ACACB: variants seen among roughly 807,000 people sequenced by gnomAD.
ACACB encodes acetyl-CoA carboxylase beta, also known as acetyl-CoA carboxylase 2.
A neutral mutation model predicts 278.8 loss-of-function variants in ACACB; 209 were observed. The observed-to-expected ratio is 0.75, with a 90% confidence interval of 0.67 to 0.84. The LOEUF is 0.84. Among genes scored for constraint, ACACB ranks in the 40% least tolerant of loss-of-function variants. The probability of loss-of-function intolerance (pLI) is 0.00; values close to 1 mark genes in which losing one functional copy is unlikely to be tolerated. For missense variants in ACACB, 2,850 were observed against 3,269.0 expected, an observed-to-expected ratio of 0.87 and a Z score of 3.13; for synonymous variants, 1,174 against 1,285.6, an observed-to-expected ratio of 0.91 and a Z score of 1.86.
rs1225629202 is a variant in ACACB at position 109,168,082 on chromosome 12, G to C, written c.925+48G>C. On this transcript the variant is annotated intron_variant, in intron 4 of 52. Transcript: ENST00000338432. ...CTCCCATCACGCTCCATCCTTGCCT[G>C]CCCTCGCCTCCTTCCCCTGTGCCTA... 1.9e-6 allele frequency: 3 copies of C among 1,562,728 alleles called. No individual in the cohort carries two copies. The South Asian group carries it at 3.7e-5, about 19-fold the overall frequency.
rs1228219666 is a variant in ACACB at position 109,237,280 on chromosome 12, A to G, written c.4562A>G (p.His1521Arg). ...GTGCCCTGTGCCAACCACAAGATGCACCTTTACCTGGGTGCTGCCAAGGTG... is the reference window on the plus strand; with the variant it reads ...GTGCCCTGTGCCAACCACAAGATGCGCCTTTACCTGGGTGCTGCCAAGGTG... ...TAVPCANHKM[H>R]LYLGAAKVKE... is the part of the protein sequence containing the mutation. The change falls in exon 34 of 53, where the codon CAC becomes CGC. Residue 1521 changes from histidine (H) to arginine (R), a missense_variant. By Grantham distance (29) the His-to-Arg change is conservative. Coordinates refer to ENST00000338432, the MANE Select transcript of ACACB (RefSeq NM_001093.4). 9.3e-6 allele frequency: 15 copies of G among 1,614,044 alleles called. No homozygotes were observed. The highest frequency in any genetic ancestry group is 1.2e-5 in the Non-Finnish European group (14 of 1,180,004).
At chr12:109,218,488 T>C (rs1333438424) in intron 24 of ACACB, among the ~76,000 whole-genome samples, 1 of 152,150 alleles carries the variant, frequency 6.6e-6, no homozygotes, top group East Asian at 1.9e-4. Flanking sequence ...CCTCCCAAAG[T>C]GCTGGGATTA....
chr12:109,160,041 G>A (rs2043673126), intron 2 of ACACB, among the ~76,000 whole-genome samples: 1 of 149,852 alleles, frequency 6.7e-6, no homozygotes, highest in African/African-American at 2.5e-5. Flanking sequence ...AGTGAGCCGA[G>A]ATGGTGCCAC....
chr12:109,254,124 C>A, intron 43 of ACACB, 90 bp from the exon 44 acceptor site: 1 of 1,492,618 alleles, frequency 6.7e-7, no homozygotes, highest in South Asian at 1.2e-5. Context: ...CATAACCAGG[C>A]ATAATCATAG....
intron 44 of ACACB, among the ~76,000 whole-genome samples, chr12:109,254,557 A>G (rs778759000): frequency 7.2e-5 from 11 of 152,134 alleles, no homozygotes; most frequent in Non-Finnish European, 1.6e-4. Flanking sequence ...AACAGCCTCC[A>G]GTTTCTGGAG....
At position 109,166,842 on chromosome 12, in the gene ACACB, C is replaced by T; in HGVS notation, c.654-19C>T. ...GCTTCTTCCCTCATGCACGTCTGTC[C>T]CTCATTCTTATTCTGCAGGCCGAGC... is the stretch of plus-strand genomic sequence containing the variant. On this transcript the variant is annotated intron_variant, in intron 2 of 52. Transcript: ENST00000338432. 1 of 1,613,810 alleles carries T rather than the reference C, an allele frequency of 6.2e-7. No homozygotes were observed. The highest frequency in any genetic ancestry group is 8.5e-7 in the Non-Finnish European group (1 of 1,179,960).
intron 1 of ACACB, among the ~76,000 whole-genome samples, chr12:109,133,853 ATATATATATATTTTTTT>A (rs1420860706): frequency 2.1e-5 from 1 of 48,226 alleles, no homozygotes; most frequent in African/African-American, 9.6e-5. Context: ...ATATATATAT[ATATATATATATTTTTTT>A]TTTTTTTTTT....
intron 42 of ACACB, among the ~76,000 whole-genome samples, chr12:109,252,793 A>G (rs1238966656): frequency 6.6e-6 from 1 of 152,208 alleles, no homozygotes; most frequent in African/African-American, 2.4e-5. Flanking sequence ...TGGCCTGCAT[A>G]TTGGAATTAT....
At chr12:109,140,495 A>G (rs1002811620) in intron 2 of ACACB, among the ~76,000 whole-genome samples, 9 of 152,114 alleles carry the variant, frequency 5.9e-5, no homozygotes, top group Non-Finnish European at 8.8e-5. Flanking sequence ...CGTTTCTACT[A>G]AAAATACAAA....
intron 51 of ACACB, 23 bp from the exon 52 acceptor site, chr12:109,265,366 G>A (rs960142684): frequency 1.2e-6 from 2 of 1,612,946 alleles, no homozygotes; most frequent in Non-Finnish European, 1.7e-6. Context: ...CCCTCTCTGA[G>A]GCATCCTCTG....
intron 15 of ACACB, 146 bp downstream of exon 15, chr12:109,192,096 T>G: frequency 2.4e-6 from 2 of 844,530 alleles, no homozygotes; most frequent in Non-Finnish European, 3.8e-6. Flanking sequence ...GAAATTCCTC[T>G]ACAGATCAAC....
In ACACB at chr12:109,212,915, G is replaced by C; in HGVS notation, c.3329G>C (p.Ser1110Thr). The C allele has an allele frequency of 6.2e-7, 1 of 1,614,134 alleles. No homozygotes were observed. The highest frequency in any genetic ancestry group is 8.5e-7 in the Non-Finnish European group (1 of 1,179,990). Residue 1110 changes from serine (S) to threonine (T), a missense_variant, in exon 22 of 53, where the codon AGC becomes ACC. Physicochemically the swap from Ser to Thr is moderately conservative, Grantham distance 58 (BLOSUM62 1). Around this residue, in one of 3 missense-constraint regions of ACACB, gnomAD observed 2,265 missense variants for 2,561.3 expected, o/e 0.88. Coordinates refer to ENST00000338432, the MANE Select transcript of ACACB (RefSeq NM_001093.4). The part of the protein sequence containing the change: ...DREVFFINTQ[S>T]IVQLVQRYRS... ...GAGGTCTTCTTCATCAACACCCAGA[G>C]CATCGTGCAGTTGGTCCAGAGGTGA...
chr12:109,258,269 C>T lies in ACACB; in HGVS notation c.6265C>T (p.Leu2089Phe). 1 of 1,611,706 alleles carries T rather than the reference C, an allele frequency of 6.2e-7. No individual in the cohort carries two copies. The highest frequency in any genetic ancestry group is 8.5e-7 in the Non-Finnish European group (1 of 1,179,438). The change falls in exon 46 of 53, where the codon CTT becomes TTT. Residue 2089 changes from leucine (L) to phenylalanine (F), a missense_variant and splice_region_variant. By Grantham distance (22) the Leu-to-Phe change is conservative (BLOSUM62 0). Transcript: ENST00000338432. ...GGCTCACTGGTGCTCATTTTCCAGG[C>T]TTGGGGGGATTCCCGTGGGAGTGAT... ...AQTVVTGRAR[L>F]GGIPVGVIAV...
chr12:109,126,947 G>A (rs1381722315), intron 1 of ACACB, among the ~76,000 whole-genome samples: 3 of 95,494 alleles, frequency 3.1e-5, no homozygotes, highest in Admixed American at 1.9e-4. Context: ...CTGTACACCC[G>A]TACTCTAGGA....
rs145288622 is a variant in ACACB, at chr12:109,166,864, G to A, written c.657G>A (p.Pro219=). ...EAETRVPTMR[P]SMSGLHLVKR... Reference sequence around the variant, plus strand: ...GTCCCTCATTCTTATTCTGCAGGCCGAGCATGTCGGGACTCCACCTGGTGA... The same window carrying A: ...GTCCCTCATTCTTATTCTGCAGGCCAAGCATGTCGGGACTCCACCTGGTGA... The change falls in exon 3 of 53, where the codon CCG becomes CCA. Residue 219 remains proline, a synonymous_variant. Coordinates refer to ENST00000338432, the MANE Select transcript of ACACB (RefSeq NM_001093.4). 108 of 1,613,954 alleles carry A rather than the reference G, an allele frequency of 6.7e-5. No individual in the cohort carries two copies. The African/African-American group carries it at 8.0e-4, about 12-fold the overall frequency.
Position 109,267,755 on chromosome 12 carries a change from A to C in ACACB, c.*1393A>C, listed in dbSNP as rs1185082857. 6.6e-6 allele frequency: 1 copy of C among 152,642 alleles called. No individual in the cohort carries two copies. The highest frequency in any genetic ancestry group is 2.4e-5 in the African/African-American group (1 of 41,470). The allele number at this position is 152,642 out of a possible 1,614,324, so 9.5% of individuals were successfully genotyped here. A position where few individuals can be genotyped will look rare whatever the true frequency, so the allele number is the denominator to read the frequency against. ...CAGCTCCTGGCTCTGCAGGCGGCAC[A>C]GCCTGGGGCCCTGTGATCCTCTGGT... On this transcript the variant is annotated 3_prime_UTR_variant, in exon 53 of 53. Coordinates refer to ENST00000338432, the MANE Select transcript of ACACB (RefSeq NM_001093.4).
chr12:109,139,497 C>T lies in ACACB; in HGVS notation c.92C>T (p.Pro31Leu), dbSNP rs776672844. 42 of 1,614,016 alleles carry T rather than the reference C, an allele frequency of 2.6e-5. No individual in the cohort carries two copies. The highest frequency in any genetic ancestry group is 6.7e-5 in the East Asian group (3 of 44,892). Residue 31 changes from proline (P) to leucine (L), a missense_variant, in exon 2 of 53, where the codon CCG becomes CTG. Pro to Leu is a moderately conservative substitution (Grantham distance 98, BLOSUM62 -3). Coordinates refer to ENST00000338432, the MANE Select transcript of ACACB (RefSeq NM_001093.4). ...KIWGKMTDSKPITKSKSEANL... is the reference protein window; with the variant it reads ...KIWGKMTDSKLITKSKSEANL... ...TGGGGGAAAATGACGGACTCCAAGC[C>T]GATCACCAAGAGTAAATCAGAAGCA...
chr12:109,210,423 ATG>A (rs2045782660), intron 21 of ACACB, among the ~76,000 whole-genome samples: 1 of 140,532 alleles, frequency 7.1e-6, no homozygotes, highest in Non-Finnish European at 1.5e-5. Flanking sequence ...ATGTGTATAT[ATG>A]TATATACACG....
chr12:109,155,875 G>A (rs990612766), intron 2 of ACACB, among the ~76,000 whole-genome samples: 2 of 152,138 alleles, frequency 1.3e-5, no homozygotes, highest in African/African-American at 2.4e-5. Flanking sequence ...CCTGCTCATC[G>A]ATTTATGATT....
Sources: gnomAD v4.1 joint callset for allele counts (sites outside exome capture counted in the v4.1 genomes callset) on GRCh38, gnomAD v4.1.1 for gene constraint, gnomAD v4.1.1 regional missense constraint, MANE v1.5 for transcripts, NCBI Gene and HGNC (gene_info 2026-07-23, HGNC 2026-07-21) for gene names.